The following ENTPD5 variants were observed in gnomAD, a reference collection of about 807,000 sequenced individuals.
ENTPD5 encodes the protein nucleoside diphosphate phosphatase ENTPD5.
ENTPD5 carries 49 observed loss-of-function variants against 60.2 expected under a neutral mutation model. The ratio of observed to expected loss-of-function variants is 0.81; its 90% CI spans 0.65 to 1.03. The LOEUF is 1.03. ENTPD5 is among the 50% of genes least tolerant of loss of function. The pLI is 0.00. For missense variants in ENTPD5, 480 were observed against 507.6 expected (o/e 0.95, Z 0.52); for synonymous variants, 187 against 185.4 (o/e 1.01, Z -0.07).
At chr14:73,962,796 AAC>A (rs2140429141), downstream of ENTPD5, 1 of 631,424 alleles carries the variant, frequency 1.6e-6, no homozygotes, top group South Asian at 2.0e-5. Flanking sequence ...CAGCCCAGTC[AAC>A]AGAGTGAGAC....
chr14:74,017,036 C>T (rs770103021), intron 1 of ENTPD5, among the ~76,000 whole-genome samples: 1 of 152,120 alleles, frequency 6.6e-6, no homozygotes, highest in Non-Finnish European at 1.5e-5. Flanking sequence ...AAGCTATGAT[C>T]GGCCAGGCGT....
At chr14:73,967,956 G>A (rs1306802533) in intron 15 of ENTPD5, among the ~76,000 whole-genome samples, 1 of 151,542 alleles carries the variant, frequency 6.6e-6, no homozygotes, top group Non-Finnish European at 1.5e-5. Flanking sequence ...GAAACCCCGT[G>A]TCTACTAAAA....
At chr14:73,977,858 C>A (rs1270017493) in intron 6 of ENTPD5, among the ~76,000 whole-genome samples, 3 of 152,172 alleles carry the variant, frequency 2.0e-5, no homozygotes, top group Non-Finnish European at 4.4e-5. Flanking sequence ...TGGCTAGGGT[C>A]TCTAGAGCAT....
chr14:73,989,785 A>T (rs2058058726), intron 3 of ENTPD5, among the ~76,000 whole-genome samples: 1 of 144,780 alleles, frequency 6.9e-6, no homozygotes, highest in South Asian at 2.2e-4. Context: ...GCGAGCCGAG[A>T]TCGTGCCACT....
intron 10 of ENTPD5, 108 bp downstream of exon 10, chr14:73,975,828 C>G: frequency 1.0e-6 from 1 of 958,716 alleles, no homozygotes. Flanking sequence ...GGAATTGGCA[C>G]AGACTTTGTT....
At chr14:73,983,725 C>T (rs536794930) in intron 5 of ENTPD5, among the ~76,000 whole-genome samples, 36 of 150,922 alleles carry the variant, frequency 2.4e-4, no homozygotes, top group African/African-American at 8.7e-4. Flanking sequence ...CTCTGTCACC[C>T]AGGCTGGAGT....
intron 6 of ENTPD5, 103 bp from the exon 7 acceptor site, chr14:73,977,477 T>C (rs555042551): frequency 4.0e-5 from 35 of 864,268 alleles, no homozygotes; most frequent in Non-Finnish European, 5.5e-5. Flanking sequence ...TACTCCATTT[T>C]TCCTAGATAA....
chr14:73,958,536 A>C, downstream of ENTPD5: 1 of 1,324,074 alleles, frequency 7.6e-7, no homozygotes, highest in South Asian at 1.5e-5. Flanking sequence ...GAGTGTTGGG[A>C]ATGGAGGCTG....
At chr14:73,980,009 C>T (rs146485785) in intron 6 of ENTPD5, among the ~76,000 whole-genome samples, 9 of 146,908 alleles carry the variant, frequency 6.1e-5, no homozygotes, top group African/African-American at 2.3e-4. Flanking sequence ...TGCAATGGCA[C>T]GATCTTGGTT....
chr14:73,956,146 A>G (rs990764219), downstream of ENTPD5: 1 of 482,582 alleles, frequency 2.1e-6, no homozygotes, highest in Non-Finnish European at 3.8e-6. Flanking sequence ...AACATGGTGA[A>G]ACCCTGTCTC....
At chr14:73,959,387 C>T (rs373217487), downstream of ENTPD5, 18 of 1,613,978 alleles carry the variant, frequency 1.1e-5, no homozygotes, top group Admixed American at 1.7e-5. Context: ...GAGTCTTAGC[C>T]GTTGGTATTG....
intron 3 of ENTPD5, among the ~76,000 whole-genome samples, chr14:73,988,747 CAT>C (rs1430474625): frequency 1.3e-5 from 2 of 152,184 alleles, no homozygotes; most frequent in African/African-American, 4.8e-5. Context: ...TTTTAGCTCC[CAT>C]ATATGAGTGA....
intron 2 of ENTPD5, among the ~76,000 whole-genome samples, 162 bp downstream of exon 2, chr14:74,015,658 TTCTA>T (rs959536117): frequency 2.0e-5 from 3 of 152,072 alleles, no homozygotes; most frequent in East Asian, 1.9e-4. Context: ...CAGCCAGAAA[TTCTA>T]TCTATTTTGA....
intron 15 of ENTPD5, among the ~76,000 whole-genome samples, chr14:73,968,952 T>C (rs1172496509): frequency 6.6e-6 from 1 of 152,172 alleles, no homozygotes; most frequent in African/African-American, 2.4e-5. Flanking sequence ...TCAAGAGGCA[T>C]TAAATATACG....
At chr14:73,988,301 C>T in intron 3 of ENTPD5, 129 bp from the exon 4 acceptor site, 1 of 832,418 alleles carries the variant, frequency 1.2e-6, no homozygotes, top group Non-Finnish European at 1.7e-6. Flanking sequence ...CAAGCTAAAC[C>T]AGGGTGATGT....
At chr14:74,014,526 G>T (rs1381246235) in intron 2 of ENTPD5, among the ~76,000 whole-genome samples, 2 of 152,160 alleles carry the variant, frequency 1.3e-5, no homozygotes, top group African/African-American at 4.8e-5. Context: ...ACTCCAGCCT[G>T]GGTGACATAG....
Position 73,988,155 on chromosome 14 carries a change from C to T in ENTPD5, c.-53G>A. ...GGCTTTTGTTGCAGAAGCAATCCTG[C>T]TCGCACACCTGCAGAGGCTTATAGG... On this transcript the variant is annotated 5_prime_UTR_variant, in exon 4 of 16. Transcript: ENST00000334696. 1.3e-6 allele frequency: 2 copies of T among 1,556,138 alleles called. No homozygotes were observed. Among genetic ancestry groups the T allele is most frequent in the South Asian group, 1.2e-5 (1 of 84,326 alleles).
Position 73,987,734 on chromosome 14 carries a change from G to A in ENTPD5, c.217+152C>T, listed in dbSNP as rs558173624. On this transcript the variant is annotated intron_variant, in intron 4 of 15. Coordinates refer to ENST00000334696, the MANE Select transcript of ENTPD5 (RefSeq NM_001249.5). ...ATAAAAATAAATAAATAAACCACATGTTCAATTGTAGTCCAAAGTTCTCTG... is the reference window on the plus strand; with the variant it reads ...ATAAAAATAAATAAATAAACCACATATTCAATTGTAGTCCAAAGTTCTCTG... The A allele has an allele frequency of 6.6e-6, 4 of 604,890 alleles. No homozygotes were observed. In the South Asian group the frequency reaches 1.0e-4, roughly 15 times the overall value. The allele number at this position is 604,890 out of a possible 1,614,324, so 37.5% of individuals were successfully genotyped here.
chr14:73,980,939 AT>A (rs2057662999), intron 6 of ENTPD5, among the ~76,000 whole-genome samples: 1 of 151,480 alleles, frequency 6.6e-6, no homozygotes, highest in African/African-American at 2.4e-5. Flanking sequence ...CTCTACTAAA[AT>A]ATACAAAAAT....
Sources: allele counts gnomAD v4.1 joint callset (sites outside exome capture counted in the v4.1 genomes callset), GRCh38; gene constraint gnomAD v4.1.1; transcripts MANE v1.5; gene names NCBI Gene and HGNC (gene_info 2026-07-23, HGNC 2026-07-21).